GBF1: variants seen among roughly 807,000 people sequenced by gnomAD.
The protein encoded by GBF1 is golgi brefeldin A resistant guanine nucleotide exchange factor 1, also known as Golgi-specific brefeldin A-resistance guanine nucleotide exchange factor 1.
A neutral mutation model predicts 210.5 loss-of-function variants in GBF1; 114 were observed. The ratio of observed to expected loss-of-function variants is 0.54; its 90% confidence interval spans 0.47 to 0.63. GBF1 has a LOEUF of 0.63. Ranked by LOEUF, GBF1 falls within the 30% of genes least tolerant of loss-of-function variation. GBF1 has a pLI of 0.00. For synonymous variants in GBF1, 850 were observed against 889.2 expected, an observed-to-expected ratio of 0.96 and a Z score of 0.78; for missense variants, 1,851 against 2,357.7, an observed-to-expected ratio of 0.79 and a Z score of 4.45.
intron 29 of GBF1, among the ~76,000 whole-genome samples, chr10:102,373,428 T>C (rs2060322141): frequency 6.6e-6 from 1 of 152,062 alleles, no homozygotes; most frequent in Non-Finnish European, 1.5e-5. Context: ...ATACAAAAAT[T>C]AGCTGGGCGT....
intron 3 of GBF1, among the ~76,000 whole-genome samples, chr10:102,338,679 G>GCTTA (rs1241347368): frequency 6.6e-6 from 1 of 151,942 alleles, no homozygotes; most frequent in African/African-American, 2.4e-5. Context: ...GGGTGCGGTG[G>GCTTA]CTTACACCTG....
chr10:102,284,273 T>G (rs906701695), intron 3 of GBF1, among the ~76,000 whole-genome samples: 5 of 152,176 alleles, frequency 3.3e-5, no homozygotes, highest in African/African-American at 1.2e-4. Context: ...AAAACTGAAG[T>G]GAAATGCATA....
chr10:102,311,295 G>A (rs142268051), intron 3 of GBF1, among the ~76,000 whole-genome samples: 57 of 152,302 alleles, frequency 3.7e-4, no homozygotes, highest in African/African-American at 1.3e-3. Context: ...CACCACTGGC[G>A]TGAGCCTTAA....
At chr10:102,349,934 AC>A (rs1272837033) in intron 4 of GBF1, among the ~76,000 whole-genome samples, 1 of 150,736 alleles carries the variant, frequency 6.6e-6, no homozygotes, top group African/African-American at 2.4e-5. Context: ...CCTCCTGCCT[AC>A]CCCCCAGCTA....
chr10:102,326,026 C>T (rs1177611601), intron 3 of GBF1, among the ~76,000 whole-genome samples: 5 of 152,116 alleles, frequency 3.3e-5, no homozygotes, highest in Non-Finnish European at 5.9e-5. Flanking sequence ...CTATTTTATA[C>T]GGAAAGAACT....
chr10:102,307,405 G>A (rs2077986038), intron 3 of GBF1, among the ~76,000 whole-genome samples: 1 of 128,070 alleles, frequency 7.8e-6, no homozygotes, highest in Admixed American at 8.4e-5. Context: ...TTTTTGAAAG[G>A]AATTGTTATA....
Position 102,377,030 on chromosome 10 carries a change from C to G in GBF1, c.4384C>G (p.Arg1462Gly), listed in dbSNP as rs1462360035. The G allele has an allele frequency of 6.2e-7, 1 of 1,614,066 alleles. No individual in the cohort carries two copies. Among genetic ancestry groups the G allele is most frequent in the South Asian group, 1.1e-5 (1 of 91,078 alleles). ...KKSKEGSMLR[R>G]PRTSSQHASR... is the part of the protein sequence containing the mutation. ...ATCCAAAGAGGGATCAATGCTTCGCCGGCCTCGAACCTCCAGCCAACATGC... is the reference window on the plus strand; with the variant it reads ...ATCCAAAGAGGGATCAATGCTTCGCGGGCCTCGAACCTCCAGCCAACATGC... Residue 1462 changes from arginine (R) to glycine (G), a missense_variant, in exon 33 of 40, where the codon CGG becomes GGG. This residue lies in a region of GBF1 where 967 missense variants were observed against 1,247.7 expected (regional missense o/e 0.78). Transcript: ENST00000369983.
Position 102,377,080 on chromosome 10 carries a change from T to C in GBF1, c.4434T>C (p.Asp1478=). 1 of 1,614,126 alleles carries C rather than the reference T, an allele frequency of 6.2e-7. No homozygotes were observed. The highest frequency in any genetic ancestry group is 8.5e-7 in the Non-Finnish European group (1 of 1,180,012). Reference sequence around the variant, plus strand: ...CCTCTCGGGGCGGGCAGAGTGATGATGATGAGGACGAAGGCGTGCCTGCCA... The same window carrying C: ...CCTCTCGGGGCGGGCAGAGTGATGACGATGAGGACGAAGGCGTGCCTGCCA... The part of the protein sequence containing the change: ...QHASRGGQSD[D]DEDEGVPASY... Residue 1478 remains aspartate, a synonymous_variant, in exon 33 of 40, where the codon GAT becomes GAC. Coordinates refer to ENST00000369983, the MANE Select transcript of GBF1 (RefSeq NM_001377137.1).
At chr10:102,255,043 A>T (rs1052884824) in intron 1 of GBF1, among the ~76,000 whole-genome samples, 10 of 151,678 alleles carry the variant, frequency 6.6e-5, no homozygotes, top group African/African-American at 2.4e-4. Context: ...CATTCCCTAG[A>T]TGTTTCTTTT....
intron 8 of GBF1, among the ~76,000 whole-genome samples, chr10:102,357,486 C>CAA (rs1173962338): frequency 5.9e-5 from 6 of 101,182 alleles, no homozygotes; most frequent in Non-Finnish European, 8.3e-5. Context: ...GACTCCATCT[C>CAA]AAAAAAAAAA....
At chr10:102,305,175 TTGTGTGTGTGTGTGTGTGTG>T (rs60026956) in intron 3 of GBF1, among the ~76,000 whole-genome samples, 32 of 139,740 alleles carry the variant, frequency 2.3e-4, no homozygotes, top group Admixed American at 7.1e-4. Flanking sequence ...ATATGCAGAT[TTGTGTGTGTGTGTGTGTGTG>T]TGTGTGTGTG....
chr10:102,311,772 C>G (rs1461281113), intron 3 of GBF1, among the ~76,000 whole-genome samples: 1 of 152,170 alleles, frequency 6.6e-6, no homozygotes, highest in Non-Finnish European at 1.5e-5. Context: ...ATGAATTTCC[C>G]CAAAGTTGAA....
intron 3 of GBF1, among the ~76,000 whole-genome samples, chr10:102,263,691 T>C (rs2073505613): frequency 6.6e-6 from 1 of 152,222 alleles, no homozygotes; most frequent in Non-Finnish European, 1.5e-5. Context: ...CTAGTTTTTC[T>C]CACAGATGTA....
At chr10:102,252,042 A>T (rs2071603065) in intron 1 of GBF1, among the ~76,000 whole-genome samples, 1 of 151,906 alleles carries the variant, frequency 6.6e-6, no homozygotes, top group Non-Finnish European at 1.5e-5. Flanking sequence ...TACTCTGCTA[A>T]AAAAGTGGAA....
chr10:102,362,721 C>G, intron 15 of GBF1, 57 bp downstream of exon 15: 3 of 1,378,234 alleles, frequency 2.2e-6, no homozygotes, highest in African/African-American at 2.9e-5. Context: ...CCCTTCTCTA[C>G]TCTCTGAGTC....
intron 3 of GBF1, among the ~76,000 whole-genome samples, chr10:102,288,217 A>G (rs1418751500): frequency 6.6e-6 from 1 of 152,218 alleles, no homozygotes; most frequent in African/African-American, 2.4e-5. Flanking sequence ...CTGGATTCAG[A>G]TAATCCTTTG....
At chr10:102,303,508 A>G (rs1565084861) in intron 3 of GBF1, among the ~76,000 whole-genome samples, 1 of 152,196 alleles carries the variant, frequency 6.6e-6, no homozygotes, top group South Asian at 2.1e-4. Flanking sequence ...GAGGTCTTAG[A>G]AAATCTTGAT....
At chr10:102,333,922 A>C (rs1424125017) in intron 3 of GBF1, among the ~76,000 whole-genome samples, 1 of 152,250 alleles carries the variant, frequency 6.6e-6, no homozygotes, top group Admixed American at 6.5e-5. Flanking sequence ...GAATGTACAG[A>C]TACAGACAGA....
chr10:102,284,790 G>T (rs2075805428), intron 3 of GBF1, among the ~76,000 whole-genome samples: 1 of 152,042 alleles, frequency 6.6e-6, no homozygotes, highest in Non-Finnish European at 1.5e-5. Flanking sequence ...GACTGGAATT[G>T]CTGGGTTGTA....
Sources: allele counts gnomAD v4.1 joint callset (sites outside exome capture counted in the v4.1 genomes callset), GRCh38; gene constraint gnomAD v4.1.1; regional missense constraint gnomAD v4.1.1; transcripts MANE v1.5; gene names NCBI Gene and HGNC (gene_info 2026-07-23, HGNC 2026-07-21).